The following PIGB variants were observed in gnomAD, a reference collection of about 807,000 sequenced individuals.
The protein encoded by PIGB is GPI alpha-1,2-mannosyltransferase 3.
In PIGB, 58 loss-of-function variants were observed where a neutral mutation model predicts 68.4. That is an observed-to-expected ratio of 0.85 (90% CI 0.69 to 1.06). PIGB has a LOEUF of 1.06. PIGB is among the 50% of genes least tolerant of loss of function. PIGB has a pLI of 0.00. For missense variants in PIGB, 634 were observed against 655.8 expected, an observed-to-expected ratio of 0.97 and a Z score of 0.36; for synonymous variants, 219 against 220.5, an observed-to-expected ratio of 0.99 and a Z score of 0.06.
At chr15:55,353,753 T>C (rs2055986486) in intron 10 of PIGB, among the ~76,000 whole-genome samples, 1 of 152,014 alleles carries the variant, frequency 6.6e-6, no homozygotes, top group South Asian at 2.1e-4. Context: ...TACAGGCACA[T>C]ACCACCATGC....
chr15:55,336,801 A>G (rs1257979628), intron 6 of PIGB, among the ~76,000 whole-genome samples: 4 of 152,174 alleles, frequency 2.6e-5, no homozygotes, highest in African/African-American at 4.8e-5. Flanking sequence ...CAGCCTGGCC[A>G]ATATGATGAA....
chr15:55,326,907 G>T (rs987716898), intron 3 of PIGB, among the ~76,000 whole-genome samples: 2 of 151,748 alleles, frequency 1.3e-5, no homozygotes, highest in Non-Finnish European at 2.9e-5. Flanking sequence ...TTAAAATTAG[G>T]GCCAGGCACA....
At chr15:55,328,212 T>C (rs2055335558) in intron 4 of PIGB, among the ~76,000 whole-genome samples, 1 of 152,242 alleles carries the variant, frequency 6.6e-6, no homozygotes, top group Admixed American at 6.5e-5. Flanking sequence ...GTTTGACTTA[T>C]TTCAAGGTGG....
In PIGB at chr15:55,337,581, G is replaced by A. The variant is rs577424518; in HGVS notation, c.795-1686G>A. ...GAAACCATGCCCCACTCCCACCCCC[G>A]CAACCTGTTTGTGGGAAAACTGTCT... On this transcript the variant is annotated intron_variant, in intron 6 of 11. Coordinates refer to ENST00000164305, the MANE Select transcript of PIGB (RefSeq NM_004855.5). Among the ~76,000 whole-genome samples the A allele has an allele frequency of 2.4e-4, 36 of 152,190 alleles. No individual in the cohort carries two copies. In the South Asian group the frequency reaches 4.6e-3, roughly 19 times the overall value.
chr15:55,321,251 A>T (rs1250908074), intron 2 of PIGB, 22 bp from the exon 3 acceptor site: 1 of 1,553,052 alleles, frequency 6.4e-7, no homozygotes, highest in Admixed American at 2.1e-5. Flanking sequence ...ATTATTGGAC[A>T]TTTACTCCTT....
chr15:55,348,693 GA>G (rs775257053), intron 9 of PIGB, among the ~76,000 whole-genome samples: 106 of 152,338 alleles, frequency 7.0e-4, no homozygotes, highest in Middle Eastern at 3.4e-3. Context: ...GAAGCAGCCT[GA>G]AGCCCTCACC....
At chr15:55,320,106 C>T (rs960284907) in intron 1 of PIGB, 169 bp from the exon 2 acceptor site, 8 of 468,468 alleles carry the variant, frequency 1.7e-5, no homozygotes, top group Non-Finnish European at 3.0e-5. Flanking sequence ...CCAGTGATGA[C>T]GCTGTGGTGC....
chr15:55,345,736 G>C (rs1404835828), intron 9 of PIGB, among the ~76,000 whole-genome samples: 2 of 152,050 alleles, frequency 1.3e-5, no homozygotes, highest in Non-Finnish European at 2.9e-5. Context: ...CTCCAGCCTG[G>C]GTGACAGAGC....
chr15:55,353,997 A>AT lies in PIGB; in HGVS notation c.1338-800dup, dbSNP rs2055997362. On this transcript the variant is annotated intron_variant, in intron 10 of 11. Coordinates refer to ENST00000164305, the MANE Select transcript of PIGB (RefSeq NM_004855.5). Reference sequence around the variant, plus strand: ...GCTCTCTACTTCTCAATCATCTTAAATAAAAAAAAAAAACACTTCAAACTT... The same window carrying AT: ...GCTCTCTACTTCTCAATCATCTTAAATTAAAAAAAAAAAACACTTCAAACTT... Among the ~76,000 whole-genome samples, 3 of 150,250 alleles carry AT rather than the reference A, an allele frequency of 2.0e-5. 1 individual carries two copies. The highest frequency in any genetic ancestry group is 2.9e-5 in the Non-Finnish European group (2 of 67,886).
At chr15:55,333,190 T>A (rs1384253319) in intron 5 of PIGB, among the ~76,000 whole-genome samples, 1 of 152,180 alleles carries the variant, frequency 6.6e-6, no homozygotes, top group Non-Finnish European at 1.5e-5. Context: ...AACTTCTTAT[T>A]TGAAAATACT....
At chr15:55,331,278 G>A (rs1441036656) in intron 5 of PIGB, among the ~76,000 whole-genome samples, 27 of 152,170 alleles carry the variant, frequency 1.8e-4, no homozygotes, top group Admixed American at 1.3e-3. Flanking sequence ...CTGGGCCCAG[G>A]TGCCCTTCCC....
At chr15:55,329,918 A>G in intron 5 of PIGB, 64 bp downstream of exon 5, 3 of 1,243,724 alleles carry the variant, frequency 2.4e-6, no homozygotes, top group South Asian at 1.4e-5. Context: ...TTAAATATCA[A>G]CATATTGTAA....
At chr15:55,337,942 A>G (rs1185400224) in intron 6 of PIGB, among the ~76,000 whole-genome samples, 1 of 152,212 alleles carries the variant, frequency 6.6e-6, no homozygotes, top group Non-Finnish European at 1.5e-5. Flanking sequence ...CTATTCTTAT[A>G]AAATTCAAAA....
At chr15:55,349,397 T>C (rs12148255) in intron 9 of PIGB, 27,781 of 152,148 alleles carry the variant, frequency 0.18, 4,440 homozygotes, top group African/African-American at 0.44. Flanking sequence ...CAGGCTGGTC[T>C]TGAACTCCTG....
intron 6 of PIGB, 102 bp downstream of exon 6, chr15:55,334,109 T>C: frequency 1.3e-6 from 1 of 764,532 alleles, no homozygotes; most frequent in Non-Finnish European, 1.9e-6. Context: ...TCTTCTAATG[T>C]CAATGAGAAC....
intron 3 of PIGB, among the ~76,000 whole-genome samples, chr15:55,321,794 A>G (rs1435958294): frequency 6.7e-6 from 1 of 149,234 alleles, no homozygotes; most frequent in East Asian, 2.0e-4. Context: ...CTGGGATAAC[A>G]GGCATGCACC....
intron 5 of PIGB, among the ~76,000 whole-genome samples, chr15:55,333,090 A>AT (rs200885780): frequency 4.7e-5 from 7 of 150,512 alleles, no homozygotes; most frequent in Non-Finnish European, 7.4e-5. Flanking sequence ...AAACTTGATC[A>AT]TTTTTTTTTC....
At chr15:55,324,753 T>C (rs1271219031) in intron 3 of PIGB, 11 of 943,152 alleles carry the variant, frequency 1.2e-5, no homozygotes, top group African/African-American at 1.1e-4. Context: ...TGTAGCCAAA[T>C]TGACTTTTCA....
chr15:55,341,483 T>C (rs945043226), intron 8 of PIGB, among the ~76,000 whole-genome samples: 3 of 152,344 alleles, frequency 2.0e-5, no homozygotes, highest in South Asian at 4.1e-4. Flanking sequence ...TGGATTGAAA[T>C]AGAAATCCCG....
Sources: allele counts gnomAD v4.1 joint callset (sites outside exome capture counted in the v4.1 genomes callset), GRCh38; gene constraint gnomAD v4.1.1; transcripts MANE v1.5; gene names NCBI Gene and HGNC (gene_info 2026-07-23, HGNC 2026-07-21).